Variants in VOPP1 observed in about 807,000 individuals in gnomAD.
VOPP1 encodes VOPP1 WW domain binding protein, also known as WW domain binding protein VOPP1.
Under a neutral mutation model 23.5 loss-of-function variants are expected in VOPP1, and 8 were observed. The observed-to-expected ratio is 0.34, with a 90% CI of 0.20 to 0.61. The LOEUF (loss-of-function observed/expected upper bound fraction) is 0.61, where lower values mean the gene tolerates loss of function less well. Ranked by LOEUF, VOPP1 falls within the 20% of genes least tolerant of loss-of-function variation. The pLI, the probability that VOPP1 is intolerant of heterozygous loss-of-function variation, is 0.78. For synonymous variants in VOPP1, 83 were observed against 97.3 expected, an observed-to-expected ratio of 0.85 and a Z score of 0.86; for missense variants, 174 against 238.1, an observed-to-expected ratio of 0.73 and a Z score of 1.77.
chr7:55,467,291 A>G (rs1406655111), downstream of VOPP1, among the ~76,000 whole-genome samples: 2 of 152,236 alleles, frequency 1.3e-5, no homozygotes, highest in African/African-American at 4.8e-5. Flanking sequence ...TCCTGCAGCC[A>G]GCTGCTCTGT....
At chr7:55,444,470 C>T (rs1791046327) in intron 4 of VOPP1, among the ~76,000 whole-genome samples, 1 of 152,180 alleles carries the variant, frequency 6.6e-6, no homozygotes, top group South Asian at 2.1e-4. Flanking sequence ...TTGCAACTCA[C>T]TTTATCAGAA....
At chr7:55,466,286 G>T (rs1252640912), downstream of VOPP1, among the ~76,000 whole-genome samples, 1 of 152,208 alleles carries the variant, frequency 6.6e-6, no homozygotes, top group Non-Finnish European at 1.5e-5. Context: ...AGCTACTAAG[G>T]ATCACTTTAG....
intron 1 of VOPP1, among the ~76,000 whole-genome samples, chr7:55,555,027 G>A (rs1797755240): frequency 1.3e-5 from 2 of 152,200 alleles, no homozygotes; most frequent in Non-Finnish European, 2.9e-5. Context: ...GAAAGGTGCT[G>A]TTTACAAATT....
intron 1 of VOPP1, chr7:55,554,027 G>C (rs967160478): frequency 6.6e-6 from 1 of 152,234 alleles, no homozygotes; most frequent in African/African-American, 2.4e-5. Flanking sequence ...TACGATATTA[G>C]ACCTCTTTAC....
chr7:55,487,184 T>C (rs1247358604), intron 4 of VOPP1, among the ~76,000 whole-genome samples: 1 of 152,212 alleles, frequency 6.6e-6, no homozygotes, highest in African/African-American at 2.4e-5. Flanking sequence ...TTTCTTGCAG[T>C]TGGTGTCATT....
At chr7:55,561,737 C>T in intron 1 of VOPP1, 1 of 480,776 alleles carries the variant, frequency 2.1e-6, no homozygotes, top group Non-Finnish European at 3.7e-6. Flanking sequence ...TCACAGACTG[C>T]TCCCCTCTTC....
intron 1 of VOPP1, among the ~76,000 whole-genome samples, chr7:55,540,325 G>C (rs1271950211): frequency 1.3e-5 from 2 of 151,754 alleles, no homozygotes; most frequent in Non-Finnish European, 2.9e-5. Context: ...TTTAACCCTG[G>C]AGATGGATGT....
At chr7:55,461,213 A>G (rs966296886) in intron 4 of VOPP1, among the ~76,000 whole-genome samples, 1 of 152,054 alleles carries the variant, frequency 6.6e-6, no homozygotes, top group South Asian at 2.1e-4. Context: ...GAATGACACA[A>G]TGGACTTTGG....
rs376126426 is a variant in VOPP1 at position 55,569,812 on chromosome 7, C to A, written c.54+2459G>T. 1.8e-4 allele frequency among the ~76,000 whole-genome samples: 27 copies of A among 152,210 alleles called. No individual in the cohort carries two copies. The South Asian group carries it at 5.6e-3, about 32-fold the overall frequency. ...CAGTCTTTGGATTGCCCTTCCTACT[C>A]AAGGACCTCTCACTAACACAGAAAC... On this transcript the variant is annotated intron_variant, in intron 1 of 4. Transcript: ENST00000285279.
At chr7:55,562,714 G>A (rs79846285) in intron 1 of VOPP1, among the ~76,000 whole-genome samples, 1,656 of 152,246 alleles carry the variant, frequency 0.011, 11 homozygotes, top group Middle Eastern at 0.024. Context: ...TAAGCGTGAG[G>A]GGATGACTTG....
intron 1 of VOPP1, among the ~76,000 whole-genome samples, chr7:55,563,561 T>C (rs891958877): frequency 1.3e-5 from 2 of 152,236 alleles, no homozygotes; most frequent in Admixed American, 1.3e-4. Context: ...TTTGGAACAT[T>C]TGCATATACA....
chr7:55,470,365 GT>G (rs1481950799), downstream of VOPP1, among the ~76,000 whole-genome samples: 1 of 152,180 alleles, frequency 6.6e-6, no homozygotes, highest in Admixed American at 6.5e-5. Flanking sequence ...CTAGCTCAAG[GT>G]TAACTTACAG....
intron 1 of VOPP1, among the ~76,000 whole-genome samples, chr7:55,558,513 G>A (rs530841088): frequency 2.6e-4 from 39 of 152,144 alleles, no homozygotes; most frequent in African/African-American, 9.4e-4. Flanking sequence ...ACACCTGCAG[G>A]GGTGACAGAT....
chr7:55,499,222 G>A (rs978754704), intron 2 of VOPP1, among the ~76,000 whole-genome samples: 2 of 152,180 alleles, frequency 1.3e-5, no homozygotes, highest in African/African-American at 4.8e-5. Flanking sequence ...GGAGGCCAAG[G>A]CAGGTGGACC....
chr7:55,556,413 C>G (rs1797806053), intron 1 of VOPP1, among the ~76,000 whole-genome samples: 1 of 152,176 alleles, frequency 6.6e-6, no homozygotes, highest in Non-Finnish European at 1.5e-5. Context: ...TTTCCACATT[C>G]TATTTATAAT....
chr7:55,479,969 C>A (rs1353162070), intron 4 of VOPP1, among the ~76,000 whole-genome samples: 1 of 152,158 alleles, frequency 6.6e-6, no homozygotes, highest in Non-Finnish European at 1.5e-5. Context: ...ATATAACTTA[C>A]AATGTTAATT....
At chr7:55,475,077 G>A (rs142275947) in intron 4 of VOPP1, among the ~76,000 whole-genome samples, 16 of 152,336 alleles carry the variant, frequency 1.1e-4, no homozygotes, top group African/African-American at 3.8e-4. Context: ...TGTGGGTGAA[G>A]ACTGTAGGAG....
chr7:55,517,140 G>C (rs933884968), intron 2 of VOPP1, among the ~76,000 whole-genome samples: 1 of 150,564 alleles, frequency 6.6e-6, no homozygotes, highest in Non-Finnish European at 1.5e-5. Flanking sequence ...GTAGAGACGG[G>C]GTTTCACCAT....
chr7:55,545,317 C>G (rs953239151), intron 1 of VOPP1, among the ~76,000 whole-genome samples: 1 of 152,190 alleles, frequency 6.6e-6, no homozygotes, highest in African/African-American at 2.4e-5. Context: ...ACTCTTTCAT[C>G]AGGAGGGGCA....
Sources: allele counts gnomAD v4.1 joint callset (sites outside exome capture counted in the v4.1 genomes callset), GRCh38; gene constraint gnomAD v4.1.1; transcripts MANE v1.5; gene names NCBI Gene and HGNC (gene_info 2026-07-23, HGNC 2026-07-21).